DHX57: variants seen among roughly 807,000 people sequenced by gnomAD.
DHX57 encodes DExH-box helicase 57.
Under a neutral mutation model 156.2 loss-of-function variants are expected in DHX57, and 105 were observed. The observed-to-expected ratio is 0.67, with a 90% CI of 0.57 to 0.79. DHX57 has a LOEUF of 0.79. DHX57 is among the 30% of genes least tolerant of loss of function. The pLI is 0.00. For missense variants in DHX57, 1,847 were observed against 1,661.9 expected, an observed-to-expected ratio of 1.11 and a Z score of -1.94; for synonymous variants, 704 against 595.6, an observed-to-expected ratio of 1.18 and a Z score of -2.65.
At chr2:38,821,368 TA>T (rs1670806520) in intron 17 of DHX57, among the ~76,000 whole-genome samples, 1 of 151,752 alleles carries the variant, frequency 6.6e-6, no homozygotes, top group South Asian at 2.1e-4. Flanking sequence ...GAGCAGACAG[TA>T]AAGAAATAAA....
chr2:38,863,313 C>G, intron 3 of DHX57, 48 bp downstream of exon 3: 4 of 1,568,558 alleles, frequency 2.6e-6, no homozygotes, highest in Non-Finnish European at 3.5e-6. Flanking sequence ...TTCACACTGC[C>G]AGTATGTTTT....
intron 21 of DHX57, chr2:38,810,931 AC>A: frequency 1.2e-6 from 1 of 829,548 alleles, no homozygotes. Flanking sequence ...CATGAAGAGC[AC>A]CAAGGAGGTC....
intron 14 of DHX57, among the ~76,000 whole-genome samples, chr2:38,827,021 C>T (rs1671120281): frequency 6.6e-6 from 1 of 152,058 alleles, no homozygotes; most frequent in Admixed American, 6.6e-5. Flanking sequence ...ATCCCAGTTA[C>T]TCGGGAAGCT....
intron 21 of DHX57, chr2:38,811,554 T>C (rs148658464): frequency 8.3e-7 from 1 of 1,210,244 alleles, no homozygotes; most frequent in African/African-American, 1.5e-5. Context: ...ATTGGCCAGG[T>C]AGGCAATAAT....
At chr2:38,838,067 G>T (rs1196269829) in intron 12 of DHX57, 120 bp from the exon 13 acceptor site, 1 of 684,742 alleles carries the variant, frequency 1.5e-6, no homozygotes, top group Admixed American at 2.4e-5. Flanking sequence ...TAATAGCACA[G>T]ATATTAACAT....
intron 9 of DHX57, among the ~76,000 whole-genome samples, chr2:38,852,216 G>A (rs549960246): frequency 1.6e-4 from 23 of 144,084 alleles, no homozygotes; most frequent in Non-Finnish European, 3.1e-4. Flanking sequence ...TTGCTCTGTC[G>A]CCCAGCCTGG....
intron 23 of DHX57, among the ~76,000 whole-genome samples, chr2:38,801,654 G>A (rs1409003090): frequency 6.6e-6 from 1 of 151,948 alleles, no homozygotes; most frequent in Non-Finnish European, 1.5e-5. Flanking sequence ...GAGTGCAATG[G>A]CGCAATCTCG....
In DHX57 at chr2:38,819,108, T is replaced by C; in HGVS notation, c.3328A>G (p.Lys1110Glu). The stretch of plus-strand genomic sequence containing the variant: ...TTTGCGAATGCAAATTCCAGCTTTT[T>C]CTGGTTAGCTTCTTCTTTTTTATCC... ...PWDKKEEANQ[K>E]KLEFAFANSD... is the part of the protein sequence containing the mutation. Residue 1110 changes from lysine to glutamate, a missense_variant, in exon 18 of 24, where the codon AAA becomes GAA. Transcript: ENST00000457308. 6.2e-7 allele frequency: 1 copy of C among 1,614,210 alleles called. No homozygotes were observed. The highest frequency in any genetic ancestry group is 8.5e-7 in the Non-Finnish European group (1 of 1,180,032).
intron 1 of DHX57, among the ~76,000 whole-genome samples, chr2:38,869,567 T>A (rs1260661201): frequency 7.2e-5 from 11 of 152,236 alleles, no homozygotes; most frequent in Admixed American, 7.2e-4. Flanking sequence ...TGAAAACAAT[T>A]CAGCAATCAA....
At chr2:38,867,276 A>G (rs1192936908) in intron 2 of DHX57, 1 of 152,222 alleles carries the variant, frequency 6.6e-6, no homozygotes. Context: ...ATTGCCTAAC[A>G]ATGCATTTTT....
chr2:38,858,133 C>G (rs1672997599), intron 6 of DHX57, among the ~76,000 whole-genome samples: 1 of 152,214 alleles, frequency 6.6e-6, no homozygotes, highest in South Asian at 2.1e-4. Flanking sequence ...GCAATCATGG[C>G]TCACTGGAAC....
In DHX57 at chr2:38,854,080, A is replaced by C. The variant is rs377540147; in HGVS notation, c.2004T>G (p.Asp668Glu). The C allele has an allele frequency of 7.4e-6, 12 of 1,613,580 alleles. No individual in the cohort carries two copies. Among genetic ancestry groups the C allele is most frequent in the Non-Finnish European group, 1.0e-5 (12 of 1,179,770 alleles). Residue 668 changes from aspartate (D) to glutamate (E), a missense_variant, in exon 9 of 24, where the codon GAT becomes GAG. Asp to Glu is a conservative substitution (Grantham distance 45, BLOSUM62 2). Coordinates refer to ENST00000457308, the MANE Select transcript of DHX57 (RefSeq NM_198963.3). The part of the protein sequence containing the change: ...ALQGVSHIIV[D>E]EVHERTEESD... ...TTTCTTCTGTCCTCTCATGAACTTC[A>C]TCAACAATGATATGGGAAACTCCTT...
chr2:38,812,841 C>CTTGTTTGTTTGTTTGT (rs71693783), intron 21 of DHX57, among the ~76,000 whole-genome samples: 2,217 of 132,694 alleles, frequency 0.017, 32 homozygotes, highest in African/African-American at 0.047. Context: ...CCCTTATTTA[C>CTTGTTTGTTTGTTTGT]TTGTTTGTTT....
At position 38,873,027 on chromosome 2, in the gene DHX57, G is replaced by A. The variant is rs141919369; in HGVS notation, c.-7+2760C>T. The stretch of plus-strand genomic sequence containing the variant: ...TTTTAAGACAGAGTCTTGCTCTGTC[G>A]CCCAGGCTGGAGTGCAGTGGCACAA... On this transcript the variant is annotated intron_variant, in intron 1 of 23. Transcript: ENST00000457308. 4.5e-3 allele frequency among the ~76,000 whole-genome samples: 677 copies of A among 150,968 alleles called. 6 individuals carry two copies. The highest frequency in any genetic ancestry group is 0.016 in the African/African-American group (639 of 40,984).
intron 13 of DHX57, among the ~76,000 whole-genome samples, chr2:38,830,661 C>G (rs1671333910): frequency 6.6e-6 from 1 of 151,884 alleles, no homozygotes; most frequent in Admixed American, 6.6e-5. Context: ...CTACTAGTAC[C>G]CCTACTAGTG....
intron 1 of DHX57, among the ~76,000 whole-genome samples, chr2:38,874,691 G>C (rs974744677): frequency 2.0e-5 from 3 of 152,170 alleles, no homozygotes; most frequent in Non-Finnish European, 4.4e-5. Context: ...TTACAGGCGT[G>C]AGCCACCGCG....
At position 38,858,644 on chromosome 2, in the gene DHX57, C is replaced by G. The variant is rs763862640; in HGVS notation, c.1587+17G>C. On this transcript the variant is annotated intron_variant, in intron 6 of 23. Transcript: ENST00000457308. ...TATTAGGGAGGCAACGTTACTCATT[C>G]TCTCAGCATACCCTACCTGTTTCAT... The G allele has an allele frequency of 1.2e-6, 2 of 1,600,240 alleles. No individual in the cohort carries two copies. The highest frequency in any genetic ancestry group is 1.7e-4 in the Middle Eastern group (1 of 6,010).
intron 17 of DHX57, among the ~76,000 whole-genome samples, chr2:38,822,496 C>T (rs1412706149): frequency 1.3e-5 from 2 of 151,806 alleles, no homozygotes; most frequent in South Asian, 2.1e-4. Flanking sequence ...CAGGTTCAAG[C>T]GATTCTCCTG....
chr2:38,834,517 C>T (rs1333447938), intron 13 of DHX57, among the ~76,000 whole-genome samples: 1 of 152,018 alleles, frequency 6.6e-6, no homozygotes, highest in African/African-American at 2.4e-5. Context: ...TAATCATCTC[C>T]AAGTAAGTCA....
Sources: gnomAD v4.1 joint callset for allele counts (sites outside exome capture counted in the v4.1 genomes callset) on GRCh38, gnomAD v4.1.1 for gene constraint, MANE v1.5 for transcripts, NCBI Gene and HGNC (gene_info 2026-07-23, HGNC 2026-07-21) for gene names.